THSD7A: variants seen among roughly 807,000 people sequenced by gnomAD.
THSD7A encodes thrombospondin type-1 domain-containing protein 7A.
Under a neutral mutation model 231.3 loss-of-function variants are expected in THSD7A, and 96 were observed. The ratio of observed to expected loss-of-function variants is 0.41; its 90% CI spans 0.35 to 0.49. THSD7A has a LOEUF of 0.49. Among genes scored for constraint, THSD7A ranks in the 20% least tolerant of loss-of-function variants. The pLI is 0.05. For missense variants in THSD7A, 2,290 were observed against 2,070.2 expected (o/e 1.11, Z -2.06); for synonymous variants, 940 against 743.3 (o/e 1.26, Z -4.30).
intron 23 of THSD7A, among the ~76,000 whole-genome samples, chr7:11,387,502 G>T (rs749330447): frequency 1.3e-5 from 2 of 151,632 alleles, no homozygotes; most frequent in Non-Finnish European, 3.0e-5. Flanking sequence ...CTCATAATTT[G>T]GCTGTTTTTC....
chr7:11,683,679 A>C (rs1427321063), intron 1 of THSD7A, among the ~76,000 whole-genome samples: 1 of 151,972 alleles, frequency 6.6e-6, no homozygotes, highest in African/African-American at 2.4e-5. Context: ...CAAGGAAGAA[A>C]TAGGAACCCT....
In THSD7A at chr7:11,556,610, G is replaced by A. The variant is rs6942864; in HGVS notation, c.1454-13493C>T. Among the ~76,000 whole-genome samples the A allele has an allele frequency of 7.2e-3, 1,095 of 151,592 alleles. 14 individuals carry two copies. The highest frequency in any genetic ancestry group is 0.025 in the African/African-American group (1,029 of 41,418). ...CCAAGGTTTCTTCCTTTAATCTTTCGTTTTTATTTAGTGAACTTTCTTTAG... is the reference window on the plus strand; with the variant it reads ...CCAAGGTTTCTTCCTTTAATCTTTCATTTTTATTTAGTGAACTTTCTTTAG... On this transcript the variant is annotated intron_variant, in intron 4 of 27. Transcript: ENST00000423059.
chr7:11,661,684 A>G lies in THSD7A; in HGVS notation c.191-24723T>C, dbSNP rs1782937015. On this transcript the variant is annotated intron_variant, in intron 1 of 27. Coordinates refer to ENST00000423059, the MANE Select transcript of THSD7A (RefSeq NM_015204.3). ...CATATAGGACATGGTAAAAATCTTT[A>G]AGATACAATTGAATTAAGAAGAAAA... Among the ~76,000 whole-genome samples the G allele has an allele frequency of 2.0e-5, 3 of 151,238 alleles. No homozygotes were observed. In the Admixed American group the frequency reaches 2.0e-4, roughly 10 times the overall value.
intron 1 of THSD7A, chr7:11,820,310 G>C (rs900852771): frequency 1.5e-6 from 1 of 662,032 alleles, no homozygotes; most frequent in African/African-American, 1.9e-5. Flanking sequence ...TCCGTAAAGA[G>C]TGGACCCTAC....
intron 1 of THSD7A, among the ~76,000 whole-genome samples, chr7:11,780,575 T>C (rs989845271): frequency 3.9e-5 from 6 of 152,182 alleles, no homozygotes; most frequent in Middle Eastern, 3.2e-3. Context: ...ATGAATTCTC[T>C]AGCTCCAGTC....
At chr7:11,508,546 G>C (rs1787656139) in intron 6 of THSD7A, among the ~76,000 whole-genome samples, 1 of 152,140 alleles carries the variant, frequency 6.6e-6, no homozygotes, top group Non-Finnish European at 1.5e-5. Context: ...CGGTTCACCA[G>C]AAAATTAAAA....
At chr7:11,809,100 T>C (rs1784465931) in intron 1 of THSD7A, among the ~76,000 whole-genome samples, 1 of 152,174 alleles carries the variant, frequency 6.6e-6, no homozygotes, top group African/African-American at 2.4e-5. Context: ...TACTGATACC[T>C]AGTATATAAT....
At chr7:11,715,497 T>C (rs1371386623) in intron 1 of THSD7A, among the ~76,000 whole-genome samples, 1 of 151,546 alleles carries the variant, frequency 6.6e-6, no homozygotes, top group Non-Finnish European at 1.5e-5. Flanking sequence ...GAAATAGATA[T>C]ATATGAAACA....
intron 1 of THSD7A, among the ~76,000 whole-genome samples, chr7:11,762,136 T>A (rs779445204): frequency 6.6e-6 from 1 of 152,210 alleles, no homozygotes; most frequent in South Asian, 2.1e-4. Flanking sequence ...CACATTTTTT[T>A]ATCCAAGCTA....
chr7:11,580,705 G>C (rs979301075), intron 4 of THSD7A, among the ~76,000 whole-genome samples: 6 of 152,014 alleles, frequency 3.9e-5, no homozygotes, highest in Non-Finnish European at 8.8e-5. Context: ...ACACATAGAG[G>C]GGAACAACAC....
intron 1 of THSD7A, among the ~76,000 whole-genome samples, chr7:11,685,929 A>T (rs76142664): frequency 0.015 from 2,342 of 152,076 alleles, 64 homozygotes; most frequent in African/African-American, 0.054. Context: ...CAAGTTTATC[A>T]CATAAGTATT....
chr7:11,550,195 A>C (rs1354461640), intron 4 of THSD7A, among the ~76,000 whole-genome samples: 2 of 152,152 alleles, frequency 1.3e-5, no homozygotes, highest in Non-Finnish European at 2.9e-5. Context: ...CACCAATAAC[A>C]TCCAAGATGA....
intron 6 of THSD7A, among the ~76,000 whole-genome samples, chr7:11,486,191 A>G (rs1786648886): frequency 6.6e-6 from 1 of 152,186 alleles, no homozygotes; most frequent in Non-Finnish European, 1.5e-5. Context: ...TCTACTCTTA[A>G]GGTCTTACAA....
chr7:11,567,552 G>T (rs1295614156), intron 4 of THSD7A, among the ~76,000 whole-genome samples: 1 of 152,102 alleles, frequency 6.6e-6, no homozygotes, highest in African/African-American at 2.4e-5. Context: ...ATTCCAAATA[G>T]AGCAATAATT....
At chr7:11,663,417 T>C (rs1017750757) in intron 1 of THSD7A, among the ~76,000 whole-genome samples, 3 of 151,270 alleles carry the variant, frequency 2.0e-5, no homozygotes, top group African/African-American at 7.3e-5. Flanking sequence ...GGTTAATTCA[T>C]CCAAACATCC....
chr7:11,703,195 C>A (rs180912171), intron 1 of THSD7A, among the ~76,000 whole-genome samples: 48 of 151,346 alleles, frequency 3.2e-4, no homozygotes, highest in African/African-American at 9.9e-4. Flanking sequence ...AACTTCCTGG[C>A]AGCGTTCAAA....
chr7:11,582,025 G>C (rs1026707102), intron 4 of THSD7A, among the ~76,000 whole-genome samples: 3 of 151,874 alleles, frequency 2.0e-5, no homozygotes, highest in Non-Finnish European at 2.9e-5. Context: ...GCAGTTTATA[G>C]TTAGAACAAA....
chr7:11,487,931 A>AT (rs139664261), intron 6 of THSD7A, among the ~76,000 whole-genome samples: 12 of 151,656 alleles, frequency 7.9e-5, no homozygotes, highest in African/African-American at 2.2e-4. Context: ...AGTTATCCTG[A>AT]TTTTTTTTTA....
chr7:11,525,544 C>G (rs2128317609), intron 6 of THSD7A, among the ~76,000 whole-genome samples: 1 of 152,118 alleles, frequency 6.6e-6, no homozygotes, highest in East Asian at 1.9e-4. Flanking sequence ...CTATTTCTGG[C>G]ACATAAAATA....
Sources: gnomAD v4.1 joint callset for allele counts (sites outside exome capture counted in the v4.1 genomes callset) on GRCh38, gnomAD v4.1.1 for gene constraint, MANE v1.5 for transcripts, NCBI Gene and HGNC (gene_info 2026-07-23, HGNC 2026-07-21) for gene names.